The following SLC35F1 variants were observed in gnomAD, a reference collection of about 807,000 sequenced individuals.
SLC35F1 encodes solute carrier family 35 member F1.
In SLC35F1, 14 loss-of-function variants were observed where a neutral mutation model predicts 48.7. The ratio of observed to expected loss-of-function variants is 0.29; its 90% confidence interval spans 0.19 to 0.45. SLC35F1 has a LOEUF of 0.45. SLC35F1 is among the 20% of genes least tolerant of loss of function. SLC35F1 has a pLI of 1.00. For synonymous variants in SLC35F1, 190 were observed against 202.2 expected (o/e 0.94, Z 0.51); for missense variants, 404 against 500.0 (o/e 0.81, Z 1.83).
At chr6:118,088,740 A>T (rs9398483) in intron 1 of SLC35F1, among the ~76,000 whole-genome samples, 3 of 152,162 alleles carry the variant, frequency 2.0e-5, no homozygotes, top group Non-Finnish European at 4.4e-5. Context: ...GGGGTGATGG[A>T]ACTGACACCA....
intron 1 of SLC35F1, among the ~76,000 whole-genome samples, chr6:118,145,366 A>G (rs1318078415): frequency 6.6e-6 from 1 of 152,236 alleles, no homozygotes; most frequent in Non-Finnish European, 1.5e-5. Flanking sequence ...AGGATTTTGC[A>G]GTTTTATCAG....
chr6:118,304,079 C>G (rs1776284796), intron 7 of SLC35F1, among the ~76,000 whole-genome samples: 1 of 152,106 alleles, frequency 6.6e-6, no homozygotes, highest in Non-Finnish European at 1.5e-5. Flanking sequence ...CCTACCACAC[C>G]AAGGAAGTAA....
At chr6:117,936,150 C>G (rs1776159868) in intron 1 of SLC35F1, among the ~76,000 whole-genome samples, 1 of 152,210 alleles carries the variant, frequency 6.6e-6, no homozygotes, top group South Asian at 2.1e-4. Flanking sequence ...TTACTAGGAT[C>G]TGCCTTTGTT....
chr6:118,295,632 A>G (rs112290706), intron 7 of SLC35F1, among the ~76,000 whole-genome samples: 8 of 152,336 alleles, frequency 5.3e-5, no homozygotes, highest in African/African-American at 1.9e-4. Flanking sequence ...GCTGATGAGC[A>G]TAATAAAAGC....
At chr6:118,233,301 G>C (rs910567176) in intron 2 of SLC35F1, among the ~76,000 whole-genome samples, 1 of 152,194 alleles carries the variant, frequency 6.6e-6, no homozygotes, top group Non-Finnish European at 1.5e-5. Flanking sequence ...ATGTGAATAC[G>C]CAGTCAGGTT....
At chr6:118,007,027 G>T (rs1777182736) in intron 1 of SLC35F1, among the ~76,000 whole-genome samples, 1 of 126,610 alleles carries the variant, frequency 7.9e-6, no homozygotes, top group Non-Finnish European at 1.7e-5. Context: ...GACAACACAT[G>T]TTGTTTTTTT....
chr6:118,251,367 C>T (rs931655561), intron 3 of SLC35F1, among the ~76,000 whole-genome samples: 1 of 151,826 alleles, frequency 6.6e-6, no homozygotes, highest in African/African-American at 2.4e-5. Flanking sequence ...ATGAGCTCTA[C>T]CCTTATAAAT....
At chr6:117,966,137 C>CG (rs935773480) in intron 1 of SLC35F1, among the ~76,000 whole-genome samples, 4 of 141,794 alleles carry the variant, frequency 2.8e-5, no homozygotes, top group South Asian at 2.2e-4. Flanking sequence ...CACCGCCCCC[C>CG]CCCCCACTCC....
At chr6:118,238,051 A>C (rs1179853606) in intron 3 of SLC35F1, among the ~76,000 whole-genome samples, 1 of 152,164 alleles carries the variant, frequency 6.6e-6, no homozygotes, top group African/African-American at 2.4e-5. Context: ...TCATCTTAGA[A>C]ATGGTATAAG....
At chr6:117,979,319 C>G (rs148040891) in intron 1 of SLC35F1, among the ~76,000 whole-genome samples, 4 of 152,138 alleles carry the variant, frequency 2.6e-5, no homozygotes, top group African/African-American at 9.7e-5. Context: ...CACAACCCTC[C>G]GTTACCCCAT....
chr6:118,255,584 T>G (rs1775631890), intron 3 of SLC35F1, among the ~76,000 whole-genome samples: 3 of 152,308 alleles, frequency 2.0e-5, no homozygotes, highest in Admixed American at 2.0e-4. Flanking sequence ...CATGGCAGTG[T>G]CATTTCTTTC....
intron 1 of SLC35F1, among the ~76,000 whole-genome samples, chr6:117,986,870 G>A (rs2114854517): frequency 6.6e-6 from 1 of 152,308 alleles, no homozygotes; most frequent in South Asian, 2.1e-4. Flanking sequence ...CCAGCAGCCT[G>A]TGTTGGGCCT....
intron 3 of SLC35F1, among the ~76,000 whole-genome samples, chr6:118,249,859 G>T (rs1775551108): frequency 6.6e-6 from 1 of 151,828 alleles, no homozygotes; most frequent in African/African-American, 2.4e-5. Context: ...CATTAAGTAG[G>T]GGGCTCTGTG....
intron 1 of SLC35F1, among the ~76,000 whole-genome samples, chr6:118,088,311 T>C (rs1471872292): frequency 6.6e-6 from 1 of 152,194 alleles, no homozygotes; most frequent in African/African-American, 2.4e-5. Context: ...CTACAATTTG[T>C]AAGTATTTCC....
intron 3 of SLC35F1, among the ~76,000 whole-genome samples, chr6:118,265,350 T>C (rs953225672): frequency 2.0e-5 from 3 of 152,230 alleles, no homozygotes; most frequent in African/African-American, 7.2e-5. Flanking sequence ...AATACTCCTC[T>C]TAATCCCTGC....
In SLC35F1 at chr6:118,265,946, A is replaced by C. The variant is rs114047395; in HGVS notation, c.478-1049A>C. Reference sequence around the variant, plus strand: ...ATAGTGTATCCAGAGGTCTTACCACAGTGTGGTAGAATCTGAATTAGTTCC... The same window carrying C: ...ATAGTGTATCCAGAGGTCTTACCACCGTGTGGTAGAATCTGAATTAGTTCC... On this transcript the variant is annotated intron_variant, in intron 3 of 7. Transcript: ENST00000360388. 5.0e-3 allele frequency among the ~76,000 whole-genome samples: 768 copies of C among 152,332 alleles called. 8 individuals carry two copies. Among genetic ancestry groups the C allele is most frequent in the African/African-American group, 0.018 (735 of 41,578 alleles).
intron 1 of SLC35F1, among the ~76,000 whole-genome samples, chr6:117,969,149 G>A (rs1208338030): frequency 6.6e-6 from 1 of 152,180 alleles, no homozygotes; most frequent in Non-Finnish European, 1.5e-5. Context: ...GGTCCTTTCT[G>A]AAGTGAGAAA....
intron 7 of SLC35F1, among the ~76,000 whole-genome samples, chr6:118,296,338 A>C (rs1776183316): frequency 6.6e-6 from 1 of 152,216 alleles, no homozygotes; most frequent in Non-Finnish European, 1.5e-5. Context: ...CTTCTTAGAC[A>C]GCCTGGAGAC....
At chr6:117,968,905 CT>C (rs1776604617) in intron 1 of SLC35F1, among the ~76,000 whole-genome samples, 1 of 152,188 alleles carries the variant, frequency 6.6e-6, no homozygotes, top group East Asian at 1.9e-4. Context: ...TTGGAGTCTA[CT>C]TGTCTATATA....
Sources: gnomAD v4.1 joint callset for allele counts (sites outside exome capture counted in the v4.1 genomes callset) on GRCh38, gnomAD v4.1.1 for gene constraint, MANE v1.5 for transcripts, NCBI Gene and HGNC (gene_info 2026-07-23, HGNC 2026-07-21) for gene names.